ADGRL3: variants seen among roughly 807,000 people sequenced by gnomAD.
ADGRL3 encodes adhesion G protein-coupled receptor L3, also known as calcium-independent alpha-latrotoxin receptor 3.
In ADGRL3, 62 loss-of-function variants were observed where a neutral mutation model predicts 153.5. The ratio of observed to expected loss-of-function variants is 0.40; its 90% CI spans 0.33 to 0.50. ADGRL3 has a LOEUF of 0.50. Ranked by LOEUF, ADGRL3 falls within the 20% of genes least tolerant of loss-of-function variation. The probability of loss-of-function intolerance (pLI) is 0.47; values close to 1 mark genes in which losing one functional copy is unlikely to be tolerated. For synonymous variants in ADGRL3, 710 were observed against 672.5 expected, an observed-to-expected ratio of 1.06 and a Z score of -0.86; for missense variants, 1,641 against 1,859.4, an observed-to-expected ratio of 0.88 and a Z score of 2.16.
intron 6 of ADGRL3, among the ~76,000 whole-genome samples, chr4:61,702,933 T>G (rs1207740658): frequency 2.0e-5 from 3 of 152,182 alleles, no homozygotes; most frequent in Non-Finnish European, 4.4e-5. Context: ...TTGTGACTGA[T>G]TCCATCTTCA....
At chr4:61,272,589 C>T (rs1275864193) in intron 1 of ADGRL3, among the ~76,000 whole-genome samples, 1 of 152,062 alleles carries the variant, frequency 6.6e-6, no homozygotes, top group Non-Finnish European at 1.5e-5. Flanking sequence ...CCTCAGACAG[C>T]ATGGAATACA....
chr4:61,856,073 A>G (rs2098260357), intron 9 of ADGRL3, among the ~76,000 whole-genome samples: 1 of 152,160 alleles, frequency 6.6e-6, no homozygotes, highest in South Asian at 2.1e-4. Flanking sequence ...CAGTCTATCA[A>G]ATTCAAGGAA....
chr4:61,570,473 A>G (rs1270567359), intron 4 of ADGRL3, among the ~76,000 whole-genome samples: 2 of 152,102 alleles, frequency 1.3e-5, no homozygotes, highest in African/African-American at 4.8e-5. Context: ...TCTCAAATTC[A>G]TCTTGCTTGT....
At chr4:61,941,253 G>C (rs955512519) in intron 15 of ADGRL3, among the ~76,000 whole-genome samples, 6 of 132,466 alleles carry the variant, frequency 4.5e-5, no homozygotes, top group African/African-American at 1.7e-4. Context: ...GATATGCGGT[G>C]TTATTTCTGA....
chr4:62,032,182 C>A (rs1188172246), intron 23 of ADGRL3, among the ~76,000 whole-genome samples: 9 of 151,282 alleles, frequency 5.9e-5, no homozygotes, highest in African/African-American at 1.9e-4. Context: ...CCCTTAAAAG[C>A]ATTTATTATG....
rs909525375 is a variant in ADGRL3 at position 61,558,902 on chromosome 4, T to C, written c.260-28325T>C. On this transcript the variant is annotated intron_variant, in intron 4 of 26. Transcript: ENST00000683033. ...TATAAAAATCTCTTTTAAGGTTTCA[T>C]TGGGCAGATGACTTAAACTTCCTAA... Among the ~76,000 whole-genome samples the C allele has an allele frequency of 4.6e-5, 7 of 152,176 alleles. No homozygotes were observed. In the East Asian group the frequency reaches 7.7e-4, roughly 17 times the overall value.
chr4:61,333,806 G>T (rs2095622156), intron 1 of ADGRL3, among the ~76,000 whole-genome samples: 1 of 151,948 alleles, frequency 6.6e-6, no homozygotes, highest in Non-Finnish European at 1.5e-5. Context: ...TGTAAAGAGG[G>T]AGGCTCACTA....
intron 8 of ADGRL3, among the ~76,000 whole-genome samples, chr4:61,764,126 T>A (rs1010592261): frequency 9.9e-5 from 15 of 152,198 alleles, no homozygotes; most frequent in Non-Finnish European, 1.6e-4. Flanking sequence ...CCAATTTGAA[T>A]AAACCATTAC....
At chr4:61,755,446 G>T (rs549770064) in intron 8 of ADGRL3, among the ~76,000 whole-genome samples, 2 of 152,070 alleles carry the variant, frequency 1.3e-5, no homozygotes, top group Non-Finnish European at 2.9e-5. Flanking sequence ...CATATCCTTC[G>T]CCCACTTTTT....
chr4:61,990,865 G>A (rs867869947), intron 19 of ADGRL3, among the ~76,000 whole-genome samples: 2 of 151,832 alleles, frequency 1.3e-5, no homozygotes, highest in Middle Eastern at 3.4e-3. Context: ...CTGTGTGGCT[G>A]TGGGTAGTTT....
intron 1 of ADGRL3, among the ~76,000 whole-genome samples, chr4:61,344,718 A>T (rs771410086): frequency 2.6e-5 from 4 of 152,182 alleles, no homozygotes; most frequent in Non-Finnish European, 5.9e-5. Context: ...CATGTAAATC[A>T]TAGCTCTATA....
chr4:61,815,858 C>T (rs576671495), intron 9 of ADGRL3, among the ~76,000 whole-genome samples: 38 of 152,306 alleles, frequency 2.5e-4, no homozygotes, highest in African/African-American at 8.9e-4. Flanking sequence ...GAGCAGCCCT[C>T]ACCAGACACT....
chr4:61,735,707 G>T lies in ADGRL3; in HGVS notation c.1399+2153G>T, dbSNP rs994318724. On this transcript the variant is annotated intron_variant, in intron 8 of 26. Coordinates refer to ENST00000683033, the MANE Select transcript of ADGRL3 (RefSeq NM_001387552.1). Reference sequence around the variant, plus strand: ...TAATAAATAATAACTTATTTTTTTAGGTAATCAGTGAATAAGAGGCAATAA... The same window carrying T: ...TAATAAATAATAACTTATTTTTTTATGTAATCAGTGAATAAGAGGCAATAA... Among the ~76,000 whole-genome samples, 5 of 151,974 alleles carry T rather than the reference G, an allele frequency of 3.3e-5. No individual in the cohort carries two copies. The South Asian group carries it at 8.3e-4, about 25-fold the overall frequency.
At chr4:61,953,255 A>G (rs2098954125) in intron 17 of ADGRL3, among the ~76,000 whole-genome samples, 1 of 152,186 alleles carries the variant, frequency 6.6e-6, no homozygotes, top group Non-Finnish European at 1.5e-5. Context: ...TCTGTAAAGG[A>G]AACAAAATTA....
chr4:61,814,616 A>G (rs1446994098), intron 9 of ADGRL3, among the ~76,000 whole-genome samples: 1 of 152,098 alleles, frequency 6.6e-6, no homozygotes, highest in Non-Finnish European at 1.5e-5. Context: ...AATGCAGTAT[A>G]TTTTCTTACA....
At chr4:61,799,913 A>G (rs1003794999) in intron 8 of ADGRL3, among the ~76,000 whole-genome samples, 3 of 152,154 alleles carry the variant, frequency 2.0e-5, no homozygotes, top group African/African-American at 7.2e-5. Context: ...ATGAAAAGGG[A>G]TTGTTTGCTT....
intron 6 of ADGRL3, among the ~76,000 whole-genome samples, chr4:61,695,274 T>A (rs2095619652): frequency 6.6e-6 from 1 of 152,218 alleles, no homozygotes; most frequent in African/African-American, 2.4e-5. Context: ...ATAGTAAGAC[T>A]TAAACATTGA....
At chr4:61,883,298 G>C (rs912191010) in intron 9 of ADGRL3, among the ~76,000 whole-genome samples, 1 of 152,118 alleles carries the variant, frequency 6.6e-6, no homozygotes, top group African/African-American at 2.4e-5. Context: ...TAAGGGCAGA[G>C]ATTGTTATTT....
At chr4:61,421,460 C>G (rs2097206846) in intron 2 of ADGRL3, among the ~76,000 whole-genome samples, 1 of 151,968 alleles carries the variant, frequency 6.6e-6, no homozygotes, top group Admixed American at 6.6e-5. Flanking sequence ...GTGTCAACAA[C>G]AAGAATAATT....
Sources: allele counts gnomAD v4.1 joint callset (sites outside exome capture counted in the v4.1 genomes callset), GRCh38; gene constraint gnomAD v4.1.1; transcripts MANE v1.5; gene names NCBI Gene and HGNC (gene_info 2026-07-23, HGNC 2026-07-21).